The following SLC35F6 variants were observed in gnomAD, a reference collection of about 807,000 sequenced individuals.
The protein encoded by SLC35F6 is solute carrier family 35 member F6, also known as ANT2-binding protein.
Under a neutral mutation model 29.4 loss-of-function variants are expected in SLC35F6, and 26 were observed. The ratio of observed to expected loss-of-function variants is 0.89; its 90% CI spans 0.65 to 1.23. The LOEUF is 1.23. SLC35F6 is among the 50% of genes most tolerant of loss of function. The pLI is 0.00. For synonymous variants in SLC35F6, 174 were observed against 206.6 expected (o/e 0.84, Z 1.35); for missense variants, 428 against 487.8 (o/e 0.88, Z 1.15).
At chr2:26,766,414 A>G (rs989373796) in intron 1 of SLC35F6, among the ~76,000 whole-genome samples, 1 of 152,166 alleles carries the variant, frequency 6.6e-6, no homozygotes, top group African/African-American at 2.4e-5. Context: ...CCTGACCAAT[A>G]TGGTGAAACT....
At chr2:26,773,209 C>A (rs1488733427) in intron 1 of SLC35F6, among the ~76,000 whole-genome samples, 1 of 151,972 alleles carries the variant, frequency 6.6e-6, no homozygotes, top group African/African-American at 2.4e-5. Flanking sequence ...GTAAATAAGA[C>A]CAAGGATTGG....
Position 26,775,317 on chromosome 2 carries a change from A to G in SLC35F6, c.322+102A>G. On this transcript the variant is annotated intron_variant, in intron 3 of 5. Transcript: ENST00000344420. The surrounding 1 kb of genome is among the most constrained non-coding windows in gnomAD (Gnocchi z 4.6). ...CCACCCACCTCCACTTCATCCCACC[A>G]TTCCCCCAGACTTCACACGCACAGG... 1 of 1,530,202 alleles carries G rather than the reference A, an allele frequency of 6.5e-7. No homozygotes were observed. The highest frequency in any genetic ancestry group is 8.8e-7 in the Non-Finnish European group (1 of 1,134,360). 94.8% of individuals were successfully genotyped at this position (1,530,202 alleles called of 1,614,324 possible).
Position 26,774,508 on chromosome 2 carries a change from C to A in SLC35F6, c.150+185C>A, listed in dbSNP as rs79072755. 4.3e-4 allele frequency among the ~76,000 whole-genome samples: 66 copies of A among 152,336 alleles called. No homozygotes were observed. In the East Asian group the frequency reaches 0.01, roughly 24 times the overall value. On this transcript the variant is annotated intron_variant, in intron 2 of 5. Coordinates refer to ENST00000344420, the MANE Select transcript of SLC35F6 (RefSeq NM_017877.4). ...AAGGTTTAGAATAGGGCAAAGAGCA[C>A]CATCCTCTGCGAAAGTCCTGGCAAG...
At chr2:26,773,682 G>T (rs1263279542) in intron 1 of SLC35F6, among the ~76,000 whole-genome samples, 1 of 148,426 alleles carries the variant, frequency 6.7e-6, no homozygotes, top group South Asian at 2.1e-4. Context: ...GTGCAATATC[G>T]GCTCACTGCA....
chr2:26,777,504 T>C (rs1050874747), intron 5 of SLC35F6, among the ~76,000 whole-genome samples: 11 of 152,206 alleles, frequency 7.2e-5, no homozygotes, highest in African/African-American at 2.4e-4. Flanking sequence ...TCACTGAGCA[T>C]GCAGTCTATT....
In SLC35F6 at chr2:26,775,945, G is replaced by GAACAGGTGCTT. The variant is rs1664292803; in HGVS notation, c.535+271_535+281dup. On this transcript the variant is annotated intron_variant, in intron 4 of 5. Coordinates refer to ENST00000344420, the MANE Select transcript of SLC35F6 (RefSeq NM_017877.4). This position sits in a 1 kb window ranked among gnomAD's most constrained non-coding sequence, Gnocchi z 4.6. ...AACTACTGGATTTGGGAGTGGAAAG[G>GAACAGGTGCTT]AACAGGTGCTTACCAAGTGCCCAGC... Among the ~76,000 whole-genome samples, 1 of 152,094 alleles carries GAACAGGTGCTT rather than the reference G, an allele frequency of 6.6e-6. No homozygotes were observed. Among genetic ancestry groups the GAACAGGTGCTT allele is most frequent in the Non-Finnish European group, 1.5e-5 (1 of 68,002 alleles).
Position 26,776,349 on chromosome 2 carries a change from T to C in SLC35F6, c.536-23T>C, listed in dbSNP as rs1013872455. The C allele has an allele frequency of 5.6e-6, 9 of 1,611,416 alleles. No individual in the cohort carries two copies. In the African/African-American group the frequency reaches 1.1e-4, roughly 19 times the overall value. On this transcript the variant is annotated intron_variant, in intron 4 of 5. Transcript: ENST00000344420. The stretch of plus-strand genomic sequence containing the variant: ...CAGCCCCAGTGCAGCCCTGTTCTCA[T>C]CTGGGTCCCTCCTTCCCCACAGGGG...
chr2:26,773,832 G>A (rs1218374163), intron 1 of SLC35F6, among the ~76,000 whole-genome samples: 3 of 151,916 alleles, frequency 2.0e-5, no homozygotes, highest in South Asian at 2.1e-4. Context: ...AGGCGGTCTC[G>A]AACTCCAGAC....
Position 26,774,361 on chromosome 2 carries a change from G to A in SLC35F6, c.150+38G>A, listed in dbSNP as rs746115578. ...GTCCCTCCTACCTCCTGTCTCCCGGGCCTCAGACCAGGCGCCACCCCCGGC... is the reference window on the plus strand; with the variant it reads ...GTCCCTCCTACCTCCTGTCTCCCGGACCTCAGACCAGGCGCCACCCCCGGC... On this transcript the variant is annotated intron_variant, in intron 2 of 5. Coordinates refer to ENST00000344420, the MANE Select transcript of SLC35F6 (RefSeq NM_017877.4). 100 of 1,610,842 alleles carry A rather than the reference G, an allele frequency of 6.2e-5. No homozygotes were observed. In the East Asian group the frequency reaches 2.1e-3, roughly 34 times the overall value.
chr2:26,771,738 C>A (rs999785586), intron 1 of SLC35F6, among the ~76,000 whole-genome samples: 2 of 151,848 alleles, frequency 1.3e-5, no homozygotes, highest in Admixed American at 1.3e-4. Flanking sequence ...GAGGCTGAGG[C>A]GGGAGGATTG....
rs1249610043 is a variant in SLC35F6 at position 26,774,101 on chromosome 2, T to G, written c.78-150T>G. On this transcript the variant is annotated intron_variant, in intron 1 of 5. Coordinates refer to ENST00000344420, the MANE Select transcript of SLC35F6 (RefSeq NM_017877.4). ...GAGGAAATGCCAAGTTAAAACTCCTTGAGGTGAAGACTGACCCCTTTGAGA... is the reference window on the plus strand; with the variant it reads ...GAGGAAATGCCAAGTTAAAACTCCTGGAGGTGAAGACTGACCCCTTTGAGA... 4 of 709,830 alleles carry G rather than the reference T, an allele frequency of 5.6e-6. No individual in the cohort carries two copies. The East Asian group carries it at 1.1e-4, about 19-fold the overall frequency. The allele number at this position is 709,830 out of a possible 1,614,324, so 44.0% of individuals were successfully genotyped here.
intron 1 of SLC35F6, among the ~76,000 whole-genome samples, chr2:26,766,767 C>T (rs560054442): frequency 6.6e-6 from 1 of 152,314 alleles, no homozygotes; most frequent in African/African-American, 2.4e-5. Context: ...TTCTCATAAC[C>T]ACCCTATCAG....
intron 4 of SLC35F6, among the ~76,000 whole-genome samples, chr2:26,776,121 T>A (rs1233601754): frequency 6.6e-6 from 1 of 152,224 alleles, no homozygotes; most frequent in Non-Finnish European, 1.5e-5. Flanking sequence ...CTGTTGCTTC[T>A]TGAAAGACCT....
At chr2:26,766,132 TC>T (rs1295143357) in intron 1 of SLC35F6, among the ~76,000 whole-genome samples, 2 of 152,124 alleles carry the variant, frequency 1.3e-5, no homozygotes, top group Non-Finnish European at 2.9e-5. Context: ...TTTGGTCCTG[TC>T]CCCTGCCTGA....
At chr2:26,769,037 A>T (rs1340566802) in intron 1 of SLC35F6, among the ~76,000 whole-genome samples, 1 of 152,188 alleles carries the variant, frequency 6.6e-6, no homozygotes, top group Non-Finnish European at 1.5e-5. Flanking sequence ...AGAGTGGAGA[A>T]GCCTTGGCCC....
chr2:26,766,951 C>T (rs999358452), intron 1 of SLC35F6, among the ~76,000 whole-genome samples: 1 of 152,168 alleles, frequency 6.6e-6, no homozygotes, highest in African/African-American at 2.4e-5. Context: ...GGGGACTTCT[C>T]CAGTCATTTT....
At position 26,778,172 on chromosome 2, in the gene SLC35F6, G is replaced by A. The variant is rs200150725; in HGVS notation, c.777G>A (p.Gln259=). 6.8e-5 allele frequency: 110 copies of A among 1,614,188 alleles called. 1 individual carries two copies. In the South Asian group the frequency reaches 1.1e-3, roughly 16 times the overall value. The part of the protein sequence containing the change: ...ALDAFCQVGQ[Q]PLIAVALLGN... ...ACGCCTTCTGCCAGGTGGGCCAGCA[G>A]CCGCTCATTGCCGTGGCACTGCTGG... The change falls in exon 6 of 6, where the codon CAG becomes CAA. Residue 259 remains glutamine (Q), a synonymous_variant. Transcript: ENST00000344420.
chr2:26,772,293 T>C (rs147334469), intron 1 of SLC35F6, among the ~76,000 whole-genome samples: 103 of 152,264 alleles, frequency 6.8e-4, no homozygotes, highest in Admixed American at 1.3e-3. Context: ...GAGCTGAGGC[T>C]CGCTACAGAG....
At chr2:26,771,074 C>G (rs1664188609) in intron 1 of SLC35F6, among the ~76,000 whole-genome samples, 1 of 152,244 alleles carries the variant, frequency 6.6e-6, no homozygotes, top group African/African-American at 2.4e-5. Flanking sequence ...GCGCTGCCAG[C>G]CAGGCCTGTC....
Sources: gnomAD v4.1 joint callset for allele counts (sites outside exome capture counted in the v4.1 genomes callset) on GRCh38, gnomAD v4.1.1 for gene constraint, Gnocchi (gnomAD v3.1) non-coding constraint, MANE v1.5 for transcripts, NCBI Gene and HGNC (gene_info 2026-07-23, HGNC 2026-07-21) for gene names.